PFKP: variants seen among roughly 807,000 people sequenced by gnomAD.
PFKP encodes phosphofructokinase, platelet.
In PFKP, 101 loss-of-function variants were observed where a neutral mutation model predicts 94.3. The observed-to-expected ratio is 1.07, with a 90% confidence interval of 0.91 to 1.26. The LOEUF (loss-of-function observed/expected upper bound fraction) is 1.26. Among genes scored for constraint, PFKP ranks in the 50% most tolerant of loss-of-function variants. PFKP has a pLI of 0.00. For missense variants in PFKP, 1,145 were observed against 1,103.3 expected, an observed-to-expected ratio of 1.04 and a Z score of -0.53; for synonymous variants, 573 against 432.6, an observed-to-expected ratio of 1.32 and a Z score of -4.03.
At chr10:3,089,048 C>T (rs1209777600) in intron 2 of PFKP, among the ~76,000 whole-genome samples, 1 of 152,316 alleles carries the variant, frequency 6.6e-6, no homozygotes, top group South Asian at 2.1e-4. Context: ...TCTCCTGCCT[C>T]AGCCTCCTGA....
rs369621758 is a variant in PFKP, at chr10:3,101,981, G to T, written c.454+427G>T. 3.2e-4 allele frequency among the ~76,000 whole-genome samples: 48 copies of T among 150,890 alleles called. 1 individual carries two copies. In the Middle Eastern group the frequency reaches 0.01, roughly 33 times the overall value. On this transcript the variant is annotated intron_variant, in intron 4 of 21. Transcript: ENST00000381125. Reference sequence around the variant, plus strand: ...TAAAACTGAAGTTGGGCCGGGCGCGGTGGCTCACGCCTGTAATCCCAGCAC... The same window carrying T: ...TAAAACTGAAGTTGGGCCGGGCGCGTTGGCTCACGCCTGTAATCCCAGCAC...
At chr10:3,100,156 G>A (rs1210666214) in intron 3 of PFKP, among the ~76,000 whole-genome samples, 2 of 151,852 alleles carry the variant, frequency 1.3e-5, no homozygotes, top group African/African-American at 4.8e-5. Flanking sequence ...TTTCGTTCCT[G>A]AGTTGCGGCC....
intron 5 of PFKP, among the ~76,000 whole-genome samples, chr10:3,104,480 C>T (rs375584327): frequency 1.3e-5 from 2 of 152,230 alleles, no homozygotes; most frequent in African/African-American, 2.4e-5. Flanking sequence ...CCTTTAAGGA[C>T]GAGGTGCTCG....
intron 1 of PFKP, chr10:3,068,616 G>C: frequency 2.1e-6 from 2 of 971,800 alleles, no homozygotes; most frequent in Non-Finnish European, 2.4e-6. Context: ...ACGCGGGCGC[G>C]CCGGGAGGAT....
Position 3,135,727 on chromosome 10 carries a change from C to G in PFKP, c.2123-9C>G, listed in dbSNP as rs748687992. ...GGGTGTTATTAATCTTTTTTAAAAT[C>G]TTTTATAGGAAAAAAATTTACCACC... On this transcript the variant is annotated splice_polypyrimidine_tract_variant and intron_variant, in intron 20 of 21. Coordinates refer to ENST00000381125, the MANE Select transcript of PFKP (RefSeq NM_002627.5). 1 of 1,570,180 alleles carries G rather than the reference C, an allele frequency of 6.4e-7. No homozygotes were observed. The highest frequency in any genetic ancestry group is 8.8e-7 in the Non-Finnish European group (1 of 1,142,180).
chr10:3,105,092 G>A, intron 5 of PFKP, 23 bp from the exon 6 acceptor site: 1 of 1,612,366 alleles, frequency 6.2e-7, no homozygotes, highest in Non-Finnish European at 8.5e-7. Flanking sequence ...CTGTGTCCGG[G>A]GCTCCCTCTG....
intron 10 of PFKP, 119 bp downstream of exon 10, chr10:3,109,599 C>T (rs1325011107): frequency 7.9e-7 from 1 of 1,271,870 alleles, no homozygotes; most frequent in Non-Finnish European, 1.1e-6. Flanking sequence ...CACGGCCTTT[C>T]TGAGAAGGAG....
intron 2 of PFKP, among the ~76,000 whole-genome samples, chr10:3,087,265 C>T (rs1312094578): frequency 6.6e-6 from 1 of 152,162 alleles, no homozygotes; most frequent in Non-Finnish European, 1.5e-5. Flanking sequence ...GGCTCAGAGG[C>T]CCTGGGCTTT....
rs371569533 is a variant in PFKP at position 3,073,697 on chromosome 10, C to T, written c.112+5990C>T. ...GTCTAAACGTACATATGTAAATGATCTGATCCGAAGTTTCCTGAATGGAAA... is the reference window on the plus strand; with the variant it reads ...GTCTAAACGTACATATGTAAATGATTTGATCCGAAGTTTCCTGAATGGAAA... On this transcript the variant is annotated intron_variant, in intron 1 of 21. Coordinates refer to ENST00000381125, the MANE Select transcript of PFKP (RefSeq NM_002627.5). Among the ~76,000 whole-genome samples the T allele has an allele frequency of 2.7e-5, 4 of 149,550 alleles. No homozygotes were observed. The East Asian group carries it at 5.8e-4, about 22-fold the overall frequency.
intron 13 of PFKP, among the ~76,000 whole-genome samples, chr10:3,114,372 C>T (rs1452805300): frequency 6.6e-6 from 1 of 152,094 alleles, no homozygotes; most frequent in Non-Finnish European, 1.5e-5. Flanking sequence ...CTGGTCTTGA[C>T]CTCCTGACCT....
chr10:3,079,602 C>T lies in PFKP; in HGVS notation c.113-2786C>T, dbSNP rs149990652. ...TCCACTTAACATTTCCTAAAATCCC[C>T]GAGTTCTTCATCATTCCTTTATGAA... On this transcript the variant is annotated intron_variant, in intron 1 of 21. Transcript: ENST00000381125. Among the ~76,000 whole-genome samples the T allele has an allele frequency of 2.2e-3, 324 of 145,544 alleles. 2 individuals are homozygous for T. The highest frequency in any genetic ancestry group is 7.1e-3 in the African/African-American group (278 of 39,166).
intron 16 of PFKP, 104 bp downstream of exon 16, chr10:3,120,148 C>T (rs546152253): frequency 2.0e-5 from 18 of 884,632 alleles, no homozygotes; most frequent in African/African-American, 1.7e-4. Context: ...TTTACAAATA[C>T]CCTGAATGAG....
At chr10:3,068,705 G>T (rs1486682450) in intron 1 of PFKP, 1 of 984,656 alleles carries the variant, frequency 1.0e-6, no homozygotes, top group East Asian at 1.1e-4. Context: ...GCCGGTGCCC[G>T]GATGATGGAG....
chr10:3,093,328 C>A (rs1465068328), intron 2 of PFKP, among the ~76,000 whole-genome samples: 1 of 152,154 alleles, frequency 6.6e-6, no homozygotes. Context: ...TTAAACATAA[C>A]TATTTCTGCC....
At chr10:3,096,656 C>CCA (rs910980569) in intron 2 of PFKP, among the ~76,000 whole-genome samples, 18 of 151,372 alleles carry the variant, frequency 1.2e-4, no homozygotes, top group South Asian at 2.2e-4. Flanking sequence ...TTTCCTTGCC[C>CCA]CCCCGAGCTT....
chr10:3,103,425 C>A (rs950120832), intron 4 of PFKP, among the ~76,000 whole-genome samples: 2 of 152,122 alleles, frequency 1.3e-5, no homozygotes, highest in Non-Finnish European at 2.9e-5. Context: ...GGCAGAAGGA[C>A]CACTTGAGCC....
At chr10:3,082,117 G>A (rs79652582) in intron 1 of PFKP, among the ~76,000 whole-genome samples, 1,581 of 150,284 alleles carry the variant, frequency 0.011, 24 homozygotes, top group African/African-American at 0.038. Flanking sequence ...ACTTCGTTTT[G>A]CAGTTGAATG....
intron 20 of PFKP, 78 bp downstream of exon 20, chr10:3,134,660 GAGA>G: frequency 1.1e-6 from 1 of 882,494 alleles, no homozygotes; most frequent in South Asian, 1.3e-5. Flanking sequence ...TCCTATCGGG[GAGA>G]AGTAGGGTGC....
intron 16 of PFKP, 126 bp downstream of exon 16, chr10:3,120,170 C>G (rs1477852454): frequency 2.6e-6 from 2 of 766,122 alleles, no homozygotes; most frequent in African/African-American, 3.5e-5. Flanking sequence ...GCTTCTCGTT[C>G]TTTTTTTCCC....
Sources: gnomAD v4.1 joint callset for allele counts (sites outside exome capture counted in the v4.1 genomes callset) on GRCh38, gnomAD v4.1.1 for gene constraint, MANE v1.5 for transcripts, NCBI Gene and HGNC (gene_info 2026-07-23, HGNC 2026-07-21) for gene names.